The following RBMX2 variants were observed in gnomAD, a reference collection of about 807,000 sequenced individuals.
The protein encoded by RBMX2 is RNA-binding motif protein, X-linked 2.
For missense variants in RBMX2, 191 were observed against 256.0 expected (o/e 0.75, Z 1.73); for synonymous variants, 77 against 94.3 (o/e 0.82, Z 1.07).
At position 130,409,500 on chromosome X, in the gene RBMX2, G is replaced by C; in HGVS notation, c.303+114G>C. 6.4e-6 allele frequency: 5 copies of C among 784,895 alleles called. No homozygotes were observed. The Admixed American group carries it at 1.2e-4, about 19-fold the overall frequency. 64.7% of individuals were successfully genotyped at this position (784,895 alleles called of 1,213,427 possible). ...AGCACTTGTGAGCTTGGTGTGTTGC[G>C]GGGGCTGCAGAGATGTGGAGACACT... On this transcript the variant is annotated intron_variant, in intron 4 of 5. Coordinates refer to ENST00000305536, the MANE Select transcript of RBMX2 (RefSeq NM_016024.4).
At chrX:130,406,673 C>CAAAAAAAA (rs760646561) in intron 3 of RBMX2, among the ~76,000 whole-genome samples, 2 of 58,777 alleles carry the variant, frequency 3.4e-5, no homozygotes, top group Non-Finnish European at 7.0e-5. Context: ...ACTCTGTCTC[C>CAAAAAAAA]AAAAAAAAAA....
intron 2 of RBMX2, 85 bp downstream of exon 2, chrX:130,402,455 C>G: frequency 8.9e-7 from 1 of 1,125,578 alleles, no homozygotes; most frequent in Non-Finnish European, 1.2e-6. Flanking sequence ...CCCTTCACTC[C>G]TGCTTACATT....
Position 130,412,451 on chromosome X carries a change from G to A in RBMX2, c.572G>A (p.Arg191His), listed in dbSNP as rs1233273285. The change falls in exon 6 of 6, where the codon CGC (arginine) becomes CAC (histidine). Residue 191 changes from arginine to histidine, a missense_variant. Coordinates refer to ENST00000305536, the MANE Select transcript of RBMX2 (RefSeq NM_016024.4). ...AEQPSSSSPR[R>H]KTVKEKDDTG... is the part of the protein sequence containing the mutation. ...CAACCATCCTCTTCGTCACCCAGAC[G>A]CAAGACAGTAAAGGAAAAGGATGAC... The A allele has an allele frequency of 4.1e-6, 5 of 1,210,149 alleles. No individual in the cohort carries two copies. In the East Asian group the frequency reaches 8.9e-5, roughly 21 times the overall value.
At chrX:130,407,427 T>C (rs916317565) in intron 3 of RBMX2, among the ~76,000 whole-genome samples, 30 of 111,357 alleles carry the variant, frequency 2.7e-4, no homozygotes, top group African/African-American at 9.1e-4. Flanking sequence ...CTAATTGCAT[T>C]GGCCTATACC....
chrX:130,413,296 G>T lies in RBMX2; in HGVS notation c.*448G>T, dbSNP rs1357682002. 8.9e-6 allele frequency: 1 copy of T among 112,566 alleles called. No individual in the cohort carries two copies. 9.3% of individuals were successfully genotyped at this position (112,566 alleles called of 1,213,427 possible). ...CCATGCCCAAACCTTCCTGTTTGCAGAACTTTTTAATGTCTTTTCTTTTTC... is the reference window on the plus strand; with the variant it reads ...CCATGCCCAAACCTTCCTGTTTGCATAACTTTTTAATGTCTTTTCTTTTTC... On this transcript the variant is annotated 3_prime_UTR_variant, in exon 6 of 6. Coordinates refer to ENST00000305536, the MANE Select transcript of RBMX2 (RefSeq NM_016024.4).
chrX:130,406,122 T>C (rs2034484342), intron 3 of RBMX2, among the ~76,000 whole-genome samples: 1 of 67,844 alleles, frequency 1.5e-5, no homozygotes, highest in African/African-American at 1.6e-4. Context: ...CCCAAAGTGC[T>C]GGGATTACAG....
chrX:130,403,724 A>G, intron 2 of RBMX2, 78 bp from the exon 3 acceptor site: 1 of 926,577 alleles, frequency 1.1e-6, no homozygotes, highest in Non-Finnish European at 1.6e-6. Context: ...TTCCACCCCT[A>G]GTGCCTGGCC....
intron 4 of RBMX2, among the ~76,000 whole-genome samples, chrX:130,410,685 C>T (rs183593018): frequency 8.9e-6 from 1 of 112,184 alleles, no homozygotes; most frequent in Admixed American, 9.4e-5. Context: ...CTGCGCCCGG[C>T]CAGAGGGGTT....
intron 3 of RBMX2, among the ~76,000 whole-genome samples, chrX:130,408,342 G>A (rs2034495766): frequency 9.0e-6 from 1 of 111,709 alleles, no homozygotes; most frequent in African/African-American, 3.3e-5. Flanking sequence ...GCTTTCATTA[G>A]GTTTGCTTTC....
chrX:130,403,142 T>TAA (rs1036543657), intron 2 of RBMX2, among the ~76,000 whole-genome samples: 2 of 112,092 alleles, frequency 1.8e-5, no homozygotes, highest in African/African-American at 6.5e-5. Flanking sequence ...ATCATAGCTG[T>TAA]AAATTTGTGG....
chrX:130,409,407 G>T (rs1228257948), intron 4 of RBMX2, 21 bp downstream of exon 4: 1 of 1,191,468 alleles, frequency 8.4e-7, no homozygotes, highest in South Asian at 1.9e-5. Context: ...TTATTAAGCA[G>T]GTTGGTTGGA....
chrX:130,402,992 G>A (rs12689384), intron 2 of RBMX2, among the ~76,000 whole-genome samples: 21,556 of 112,222 alleles, frequency 0.19, 2,141 homozygotes, highest in African/African-American at 0.39. Flanking sequence ...TGCGAGTTAC[G>A]TGCTAATATC....
At chrX:130,402,225 A>AACCAAACC in intron 1 of RBMX2, 30 bp from the exon 2 acceptor site, 4 of 984,775 alleles carry the variant, frequency 4.1e-6, no homozygotes, top group South Asian at 2.0e-5. Flanking sequence ...TTTTCTGCCT[A>AACCAAACC]CCCTCCCCAC....
Position 130,403,833 on chromosome X carries a change from C to T in RBMX2, c.153C>T (p.Asp51=), listed in dbSNP as rs1427371118. Residue 51 remains aspartate (D), a synonymous_variant, in exon 3 of 6, where the codon GAC becomes GAT. Transcript: ENST00000305536. The part of the protein sequence containing the change: ...GGLPYELTEG[D]IICVFSQYGE... ...TTCCTTATGAACTGACTGAAGGGGA[C>T]ATCATCTGTGTGTTCTCACAGTAAG... 2.5e-6 allele frequency: 3 copies of T among 1,209,383 alleles called. No homozygotes were observed. The highest frequency in any genetic ancestry group is 4.4e-5 in the Admixed American group (2 of 45,941).
At chrX:130,410,122 A>C (rs1334439632) in intron 4 of RBMX2, among the ~76,000 whole-genome samples, 2 of 111,723 alleles carry the variant, frequency 1.8e-5, no homozygotes, top group Non-Finnish European at 3.8e-5. Context: ...ATTATAGAAC[A>C]GAGTGGAACA....
chrX:130,410,771 G>C (rs1322043023), intron 4 of RBMX2, among the ~76,000 whole-genome samples: 1 of 112,359 alleles, frequency 8.9e-6, no homozygotes, highest in Admixed American at 9.4e-5. Flanking sequence ...GTTCCAGTAT[G>C]GTGGGGCTAG....
At chrX:130,411,085 T>C (rs926337173) in intron 4 of RBMX2, 4 of 268,401 alleles carry the variant, frequency 1.5e-5, no homozygotes, top group African/African-American at 1.1e-4. Flanking sequence ...CATGAAGATA[T>C]TTGTATGCTG....
intron 4 of RBMX2, 36 bp downstream of exon 4, chrX:130,409,422 T>C (rs2034501492): frequency 8.4e-7 from 1 of 1,183,952 alleles, no homozygotes; most frequent in South Asian, 1.9e-5. Context: ...GTTGGACTTT[T>C]TTCCCATGTA....
At chrX:130,411,140 C>G (rs2034510278) in intron 4 of RBMX2, 1 of 307,310 alleles carries the variant, frequency 3.3e-6, no homozygotes, top group Non-Finnish European at 5.6e-6. Flanking sequence ...TGCCCCAGGC[C>G]TCATCTGGCT....
Sources: allele counts gnomAD v4.1 joint callset (sites outside exome capture counted in the v4.1 genomes callset), GRCh38; gene constraint gnomAD v4.1.1; transcripts MANE v1.5; gene names NCBI Gene and HGNC (gene_info 2026-07-23, HGNC 2026-07-21).